The following ST6GALNAC5 variants were observed in gnomAD, a reference collection of about 807,000 sequenced individuals.
ST6GALNAC5 encodes the protein ST6 N-acetylgalactosaminide alpha-2,6-sialyltransferase 5.
Under a neutral mutation model 33.6 loss-of-function variants are expected in ST6GALNAC5, and 27 were observed. The observed-to-expected ratio is 0.80, with a 90% CI of 0.59 to 1.11. The LOEUF (loss-of-function observed/expected upper bound fraction) is 1.11. Ranked by LOEUF, ST6GALNAC5 falls within the 50% of genes least tolerant of loss-of-function variation. ST6GALNAC5 has a pLI of 0.00. For synonymous variants in ST6GALNAC5, 194 were observed against 171.2 expected, an observed-to-expected ratio of 1.13 and a Z score of -1.04; for missense variants, 428 against 454.0, an observed-to-expected ratio of 0.94 and a Z score of 0.52.
intron 2 of ST6GALNAC5, among the ~76,000 whole-genome samples, chr1:76,955,386 G>A (rs1647917379): frequency 6.6e-6 from 1 of 152,094 alleles, no homozygotes; most frequent in African/African-American, 2.4e-5. Context: ...GTCAAACAGG[G>A]ATTAGTTTAA....
At chr1:76,947,950 A>T (rs969518682) in intron 2 of ST6GALNAC5, among the ~76,000 whole-genome samples, 1 of 152,096 alleles carries the variant, frequency 6.6e-6, no homozygotes, top group African/African-American at 2.4e-5. Flanking sequence ...TTGCCTTCTT[A>T]TCATCCTCAG....
intron 2 of ST6GALNAC5, among the ~76,000 whole-genome samples, chr1:76,929,225 TA>T (rs1448542332): frequency 1.3e-5 from 2 of 151,728 alleles, no homozygotes; most frequent in African/African-American, 2.4e-5. Flanking sequence ...CCCCTCATAT[TA>T]AAAAAAAGTA....
intron 2 of ST6GALNAC5, among the ~76,000 whole-genome samples, chr1:76,889,048 A>T (rs1324994641): frequency 6.6e-6 from 1 of 152,098 alleles, no homozygotes. Flanking sequence ...GTATCCCTTG[A>T]CCAACATCTT....
chr1:77,030,209 C>T (rs747617420), intron 2 of ST6GALNAC5, among the ~76,000 whole-genome samples: 53 of 152,216 alleles, frequency 3.5e-4, no homozygotes, highest in Admixed American at 1.1e-3. Context: ...ACTCCCCAAT[C>T]CTCTTTTCTT....
At chr1:76,970,851 C>T (rs746782908) in intron 2 of ST6GALNAC5, among the ~76,000 whole-genome samples, 47 of 152,100 alleles carry the variant, frequency 3.1e-4, no homozygotes, top group Non-Finnish European at 5.7e-4. Flanking sequence ...TAATAACTCA[C>T]CTTTGAATTC....
At chr1:77,008,923 A>G (rs1650527109) in intron 2 of ST6GALNAC5, among the ~76,000 whole-genome samples, 1 of 152,224 alleles carries the variant, frequency 6.6e-6, no homozygotes, top group African/African-American at 2.4e-5. Context: ...CAGAATCTGA[A>G]CTACAGGGGA....
At chr1:76,880,357 A>G (rs1653749514) in intron 2 of ST6GALNAC5, among the ~76,000 whole-genome samples, 1 of 152,194 alleles carries the variant, frequency 6.6e-6, no homozygotes, top group African/African-American at 2.4e-5. Flanking sequence ...AAACCAACAA[A>G]AGAACTCCAT....
chr1:76,889,574 T>C (rs1191650671), intron 2 of ST6GALNAC5, among the ~76,000 whole-genome samples: 1 of 152,186 alleles, frequency 6.6e-6, no homozygotes, highest in Non-Finnish European at 1.5e-5. Flanking sequence ...ATTGTTGATA[T>C]TGAGTTGTGT....
chr1:77,041,163 T>C (rs1294895134), intron 2 of ST6GALNAC5, among the ~76,000 whole-genome samples: 2 of 152,250 alleles, frequency 1.3e-5, no homozygotes, highest in Admixed American at 1.3e-4. Context: ...TGCTCCTTTT[T>C]AAAATTGTCT....
At chr1:77,054,898 A>C (rs1430572472) in intron 4 of ST6GALNAC5, among the ~76,000 whole-genome samples, 1 of 152,106 alleles carries the variant, frequency 6.6e-6, no homozygotes, top group African/African-American at 2.4e-5. Context: ...TTAAAACCCC[A>C]AGTGGAAGTG....
chr1:76,976,546 CTTG>C lies in ST6GALNAC5; in HGVS notation c.262-67652_262-67650del, dbSNP rs374984703. Among the ~76,000 whole-genome samples the C allele has an allele frequency of 3.0e-3, 458 of 152,132 alleles. 3 individuals are homozygous for C. Among genetic ancestry groups the C allele is most frequent in the African/African-American group, 0.011 (442 of 41,522 alleles). Reference sequence around the variant, plus strand: ...AAAGTTCCCTGTGCCTTCATCTGAGCTTGTTGTTTTTCTTGTTCATTGAAGAGA... The same window carrying C: ...AAAGTTCCCTGTGCCTTCATCTGAGCTTGTTTTTCTTGTTCATTGAAGAGA... On this transcript the variant is annotated intron_variant, in intron 2 of 4. Transcript: ENST00000477717.
intron 2 of ST6GALNAC5, among the ~76,000 whole-genome samples, chr1:76,897,390 G>A (rs897553823): frequency 6.6e-6 from 1 of 152,206 alleles, no homozygotes; most frequent in East Asian, 1.9e-4. Flanking sequence ...TGTAAGGCTT[G>A]TCTGGTTTTA....
chr1:76,889,020 C>T (rs532537054), intron 2 of ST6GALNAC5, among the ~76,000 whole-genome samples: 2 of 152,080 alleles, frequency 1.3e-5, no homozygotes, highest in African/African-American at 4.8e-5. Flanking sequence ...TTTATTCCTC[C>T]TGTCTAATTG....
intron 2 of ST6GALNAC5, among the ~76,000 whole-genome samples, chr1:76,927,733 C>T (rs1557726012): frequency 1.3e-5 from 2 of 151,992 alleles, no homozygotes; most frequent in East Asian, 3.9e-4. Flanking sequence ...TTTGTAGGGT[C>T]CCCAGTGACC....
At chr1:76,927,777 A>G (rs1388327356) in intron 2 of ST6GALNAC5, among the ~76,000 whole-genome samples, 1 of 152,084 alleles carries the variant, frequency 6.6e-6, no homozygotes, top group Non-Finnish European at 1.5e-5. Context: ...GCAACAATAA[A>G]ATGTATCTAT....
At chr1:76,904,341 T>C (rs1234754130) in intron 2 of ST6GALNAC5, among the ~76,000 whole-genome samples, 1 of 152,174 alleles carries the variant, frequency 6.6e-6, no homozygotes, top group Admixed American at 6.5e-5. Context: ...CTGTGACAGG[T>C]ATCCATACCT....
At chr1:77,028,993 G>A (rs768217246) in intron 2 of ST6GALNAC5, among the ~76,000 whole-genome samples, 1 of 152,154 alleles carries the variant, frequency 6.6e-6, no homozygotes, top group Non-Finnish European at 1.5e-5. Context: ...GCAAGGACAG[G>A]TTACATTTGG....
At chr1:77,000,896 C>G (rs1364830889) in intron 2 of ST6GALNAC5, among the ~76,000 whole-genome samples, 1 of 152,040 alleles carries the variant, frequency 6.6e-6, no homozygotes, top group African/African-American at 2.4e-5. Flanking sequence ...TTACTGTAGC[C>G]TTGTAATATA....
intron 2 of ST6GALNAC5, among the ~76,000 whole-genome samples, chr1:77,026,533 C>T (rs1651243613): frequency 6.6e-6 from 1 of 152,134 alleles, no homozygotes; most frequent in Non-Finnish European, 1.5e-5. Context: ...CTTACCAACC[C>T]CCCAGAAGAG....
Sources: allele counts gnomAD v4.1 joint callset (sites outside exome capture counted in the v4.1 genomes callset), GRCh38; gene constraint gnomAD v4.1.1; transcripts MANE v1.5; gene names NCBI Gene and HGNC (gene_info 2026-07-23, HGNC 2026-07-21).